HHIP: variants seen among roughly 807,000 people sequenced by gnomAD.
HHIP encodes the protein hedgehog-interacting protein.
Under a neutral mutation model 74.0 loss-of-function variants are expected in HHIP, and 12 were observed. That is an observed-to-expected ratio of 0.16 (90% CI 0.10 to 0.26). The LOEUF is 0.26. HHIP is among the 10% of genes least tolerant of loss of function. The pLI, the probability that HHIP is intolerant of heterozygous loss-of-function variation, is 1.00. For synonymous variants in HHIP, 309 were observed against 311.6 expected, an observed-to-expected ratio of 0.99 and a Z score of 0.09; for missense variants, 788 against 845.0, an observed-to-expected ratio of 0.93 and a Z score of 0.84.
At chr4:144,651,458 A>G (rs536713249) in intron 1 of HHIP, among the ~76,000 whole-genome samples, 2 of 152,170 alleles carry the variant, frequency 1.3e-5, no homozygotes, top group East Asian at 1.9e-4. Context: ...AACAGAAGCC[A>G]TAGATTTACC....
intron 8 of HHIP, among the ~76,000 whole-genome samples, chr4:144,713,652 A>C (rs566525417): frequency 1.7e-4 from 26 of 152,304 alleles, no homozygotes; most frequent in Admixed American, 9.2e-4. Flanking sequence ...TTTGTTATCC[A>C]CACAACTCTA....
Position 144,737,807 on chromosome 4 carries a change from A to G in HHIP, c.1953A>G (p.Arg651=). The change falls in exon 13 of 13, where the codon AGA becomes AGG. Residue 651 remains arginine, a synonymous_variant. Coordinates refer to ENST00000296575, the MANE Select transcript of HHIP (RefSeq NM_022475.3). The part of the protein sequence containing the change: ...PACRHGGVCV[R]PNKCLCKKGY... ...GTCGTCATGGAGGTGTCTGTGTTAG[A>G]CCGAACAAGTGCCTCTGTAAAAAAG... is the stretch of plus-strand genomic sequence containing the variant. 8 of 1,613,580 alleles carry G rather than the reference A, an allele frequency of 5.0e-6. No individual in the cohort carries two copies. The highest frequency in any genetic ancestry group is 6.8e-6 in the Non-Finnish European group (8 of 1,179,682).
At chr4:144,704,588 T>C (rs1269906873) in intron 4 of HHIP, among the ~76,000 whole-genome samples, 1 of 152,234 alleles carries the variant, frequency 6.6e-6, no homozygotes, top group East Asian at 1.9e-4. Context: ...CTGAAGCATG[T>C]TGCTATCCAA....
At chr4:144,707,621 C>G (rs1490199310) in intron 6 of HHIP, among the ~76,000 whole-genome samples, 1 of 38,996 alleles carries the variant, frequency 2.6e-5, no homozygotes, top group Non-Finnish European at 4.6e-5. Flanking sequence ...TAGGTTTAGG[C>G]TGACAAAAAT....
At chr4:144,734,930 G>C (rs751843057) in intron 12 of HHIP, 41 bp downstream of exon 12, 1 of 1,559,278 alleles carries the variant, frequency 6.4e-7, no homozygotes, top group Non-Finnish European at 8.8e-7. Context: ...CTGGGGATGA[G>C]CCAATCCTTA....
In HHIP at chr4:144,655,413, G is replaced by A. The variant is rs570512533; in HGVS notation, c.472+2616G>A. ...CTCTATGGGAAGCATATCGATGGACGTCTATTGGCCTTGCTTCTTCCTCTG... is the reference window on the plus strand; with the variant it reads ...CTCTATGGGAAGCATATCGATGGACATCTATTGGCCTTGCTTCTTCCTCTG... On this transcript the variant is annotated intron_variant, in intron 2 of 12. Transcript: ENST00000296575. Among the ~76,000 whole-genome samples the A allele has an allele frequency of 2.6e-5, 4 of 152,122 alleles. No individual in the cohort carries two copies. In the East Asian group the frequency reaches 5.8e-4, roughly 22 times the overall value.
chr4:144,718,194 G>A (rs981968406), intron 10 of HHIP, among the ~76,000 whole-genome samples: 3 of 152,148 alleles, frequency 2.0e-5, no homozygotes, highest in South Asian at 2.1e-4. Context: ...AGTTGGGGAA[G>A]GTGCGATTTT....
intron 11 of HHIP, among the ~76,000 whole-genome samples, chr4:144,722,510 G>T (rs1206480583): frequency 6.6e-6 from 1 of 152,006 alleles, no homozygotes; most frequent in Non-Finnish European, 1.5e-5. Context: ...AACTTTTAAG[G>T]TTCCTTTATT....
At chr4:144,699,819 T>C (rs1729927153) in intron 4 of HHIP, among the ~76,000 whole-genome samples, 1 of 151,978 alleles carries the variant, frequency 6.6e-6, no homozygotes, top group Non-Finnish European at 1.5e-5. Context: ...CCCAGGGACC[T>C]CAGGGGATTG....
Position 144,714,247 on chromosome 4 carries a change from A to T in HHIP, c.1446A>T (p.Glu482Asp). 6.2e-7 allele frequency: 1 copy of T among 1,613,082 alleles called. No homozygotes were observed. The change falls in exon 9 of 13, where the codon GAA (glutamate) becomes GAT (aspartate). Residue 482 changes from glutamate to aspartate, a missense_variant. Transcript: ENST00000296575. The stretch of plus-strand genomic sequence containing the variant: ...CAGAAAGTGAGCCATCACTTTTAGA[A>T]TTCAAGCCATTCAGTAATGGTCCTT... Reference protein sequence around the residue: ...KDYESEPSLLEFKPFSNGPLV... With the variant: ...KDYESEPSLLDFKPFSNGPLV...
intron 4 of HHIP, among the ~76,000 whole-genome samples, chr4:144,685,868 A>G (rs1729470778): frequency 6.6e-6 from 1 of 152,208 alleles, no homozygotes; most frequent in Non-Finnish European, 1.5e-5. Flanking sequence ...ATTTTAAATT[A>G]TGCAGTTCAC....
At chr4:144,663,824 T>TAC (rs776492131) in intron 4 of HHIP, among the ~76,000 whole-genome samples, 14 of 152,168 alleles carry the variant, frequency 9.2e-5, no homozygotes, top group Non-Finnish European at 1.5e-4. Context: ...GGATTGTGAT[T>TAC]ATATATATAA....
chr4:144,655,379 C>T (rs577747989), intron 2 of HHIP, among the ~76,000 whole-genome samples: 62 of 152,254 alleles, frequency 4.1e-4, no homozygotes, highest in African/African-American at 1.4e-3. Flanking sequence ...TAAAAGAAGG[C>T]ATAACACACT....
At position 144,705,982 on chromosome 4, in the gene HHIP, TATG is replaced by T. The variant is rs570874360; in HGVS notation, c.832-544_832-542del. On this transcript the variant is annotated intron_variant, in intron 4 of 12. Coordinates refer to ENST00000296575, the MANE Select transcript of HHIP (RefSeq NM_022475.3). ...TAGGCAAGGCTGCCTATTACCTAGC[TATG>T]ATGAACAGACCACCATCGTTGTGAC... Among the ~76,000 whole-genome samples the T allele has an allele frequency of 2.6e-5, 4 of 152,344 alleles. No individual in the cohort carries two copies. The South Asian group carries it at 6.2e-4, about 24-fold the overall frequency.
chr4:144,707,642 G>A (rs1234697069), intron 6 of HHIP, among the ~76,000 whole-genome samples: 3 of 92 alleles, frequency 0.033, no homozygotes, highest in Admixed American at 0.25. Flanking sequence ...TAAGAGAACA[G>A]AGGCAAAAAA....
intron 6 of HHIP, 89 bp downstream of exon 6, chr4:144,707,349 A>AT: frequency 9.4e-7 from 1 of 1,066,466 alleles, no homozygotes; most frequent in Non-Finnish European, 1.4e-6. Context: ...ATTAAGAACC[A>AT]TCTTTGAATG....
At chr4:144,726,506 A>C (rs962265011) in intron 11 of HHIP, among the ~76,000 whole-genome samples, 4 of 152,226 alleles carry the variant, frequency 2.6e-5, no homozygotes, top group African/African-American at 9.6e-5. Context: ...AAAATACTGT[A>C]CCATAACCCT....
chr4:144,685,381 T>G (rs1034576934), intron 4 of HHIP, among the ~76,000 whole-genome samples: 1 of 152,250 alleles, frequency 6.6e-6, no homozygotes, highest in African/African-American at 2.4e-5. Context: ...ATTTGGAGAT[T>G]TTTAAATTAC....
At chr4:144,712,885 G>GGTCT (rs1730342221) in intron 8 of HHIP, among the ~76,000 whole-genome samples, 2 of 144,090 alleles carry the variant, frequency 1.4e-5, no homozygotes, top group South Asian at 4.4e-4. Flanking sequence ...TTTTTTTTCA[G>GGTCT]GTGTGTGTGT....
Sources: allele counts gnomAD v4.1 joint callset (sites outside exome capture counted in the v4.1 genomes callset), GRCh38; gene constraint gnomAD v4.1.1; transcripts MANE v1.5; gene names NCBI Gene and HGNC (gene_info 2026-07-23, HGNC 2026-07-21).